Variants in RAD51 observed in about 807,000 individuals in gnomAD.
RAD51 encodes DNA repair protein RAD51 homolog 1.
RAD51 carries 14 observed loss-of-function variants against 41.5 expected under a neutral mutation model. The observed-to-expected ratio is 0.34, with a 90% CI of 0.22 to 0.53. The LOEUF (loss-of-function observed/expected upper bound fraction) is 0.53. RAD51 is among the 20% of genes least tolerant of loss of function. The pLI is 0.95. For missense variants in RAD51, 234 were observed against 422.0 expected (o/e 0.55, Z 3.90); for synonymous variants, 136 against 148.6 (o/e 0.92, Z 0.62).
chr15:40,713,805 A>C (rs1895844612), intron 5 of RAD51, among the ~76,000 whole-genome samples: 1 of 150,172 alleles, frequency 6.7e-6, no homozygotes, highest in Non-Finnish European at 1.5e-5. Context: ...ACAGGTTTTC[A>C]CCGTATTAGC....
At chr15:40,724,755 C>T (rs1489319999) in intron 6 of RAD51, among the ~76,000 whole-genome samples, 2 of 144,334 alleles carry the variant, frequency 1.4e-5, no homozygotes, top group Admixed American at 7.1e-5. Context: ...TCTCGGCTCA[C>T]GCAAGCTCCA....
At chr15:40,700,740 C>T (rs1299743097) in intron 2 of RAD51, among the ~76,000 whole-genome samples, 4 of 152,132 alleles carry the variant, frequency 2.6e-5, no homozygotes, top group South Asian at 2.1e-4. Context: ...TCTGTATCTC[C>T]GGATTCTGTA....
At chr15:40,717,282 G>T (rs767602519) in intron 5 of RAD51, among the ~76,000 whole-genome samples, 2 of 152,096 alleles carry the variant, frequency 1.3e-5, no homozygotes, top group Non-Finnish European at 2.9e-5. Flanking sequence ...AGGTTGTGGT[G>T]AGGCAAGATC....
chr15:40,724,674 CTTTTT>C (rs869156620), intron 6 of RAD51, among the ~76,000 whole-genome samples: 3 of 94,354 alleles, frequency 3.2e-5, no homozygotes, highest in East Asian at 4.3e-4. Flanking sequence ...TTTTTTATTT[CTTTTT>C]TTTTTTTTTT....
chr15:40,715,644 A>T (rs1895951062), intron 5 of RAD51, among the ~76,000 whole-genome samples: 1 of 152,190 alleles, frequency 6.6e-6, no homozygotes, highest in South Asian at 2.1e-4. Context: ...GAAAGGGCCA[A>T]ATAAGCTGGA....
chr15:40,706,263 T>C lies in RAD51; in HGVS notation c.312T>C (p.Thr104=). ...QRRSEIIQIT[T]GSKELDKLLQ... is the part of the protein sequence containing the mutation. Reference sequence around the variant, plus strand: ...GGTCAGAGATCATACAGATTACTACTGGCTCCAAAGAGCTTGACAAACTAC... The same window carrying C: ...GGTCAGAGATCATACAGATTACTACCGGCTCCAAAGAGCTTGACAAACTAC... Residue 104 remains threonine (T), a synonymous_variant, in exon 4 of 10, where the codon ACT becomes ACC. Coordinates refer to ENST00000267868, the MANE Select transcript of RAD51 (RefSeq NM_002875.5). 6.2e-7 allele frequency: 1 copy of C among 1,613,846 alleles called. No individual in the cohort carries two copies. Among genetic ancestry groups the C allele is most frequent in the Non-Finnish European group, 8.5e-7 (1 of 1,179,688 alleles).
chr15:40,723,184 A>G (rs1425483745), intron 6 of RAD51, among the ~76,000 whole-genome samples: 2 of 152,186 alleles, frequency 1.3e-5, no homozygotes, highest in African/African-American at 2.4e-5. Flanking sequence ...TGAAGGCTAT[A>G]ATAAAAAAGA....
At chr15:40,714,127 A>G (rs557926791) in intron 5 of RAD51, among the ~76,000 whole-genome samples, 18 of 151,252 alleles carry the variant, frequency 1.2e-4, no homozygotes, top group African/African-American at 4.4e-4. Context: ...CTGCACCCAG[A>G]TCCTCATAAT....
chr15:40,698,902 A>C, intron 2 of RAD51, 57 bp downstream of exon 2: 1 of 1,514,438 alleles, frequency 6.6e-7, no homozygotes, highest in East Asian at 2.3e-5. Context: ...ACCTAGTGGA[A>C]GGTATTACAA....
intron 2 of RAD51, among the ~76,000 whole-genome samples, chr15:40,699,137 T>TTTTG (rs931458386): frequency 7.2e-5 from 11 of 152,126 alleles, no homozygotes; most frequent in Admixed American, 1.3e-4. Flanking sequence ...TCTGTGCTGT[T>TTTTG]TTTGTTTGTT....
chr15:40,696,454 G>A (rs1749141933), intron 1 of RAD51, among the ~76,000 whole-genome samples: 1 of 152,020 alleles, frequency 6.6e-6, no homozygotes, highest in Non-Finnish European at 1.5e-5. Flanking sequence ...GCACCTGTAG[G>A]CCCAGCTATT....
intron 6 of RAD51, among the ~76,000 whole-genome samples, chr15:40,722,510 G>T (rs144587814): frequency 6.6e-6 from 1 of 151,142 alleles, no homozygotes; most frequent in Non-Finnish European, 1.5e-5. Flanking sequence ...GTGGTTTTCT[G>T]GGGGTAGGGA....
At chr15:40,702,521 GT>G (rs200804254) in intron 3 of RAD51, among the ~76,000 whole-genome samples, 3 of 150,846 alleles carry the variant, frequency 2.0e-5, no homozygotes, top group Non-Finnish European at 3.0e-5. Context: ...TTTGTTTTCT[GT>G]TTTTTTTTGA....
At chr15:40,730,394 C>T (rs1206425472) in intron 9 of RAD51, among the ~76,000 whole-genome samples, 1 of 150,924 alleles carries the variant, frequency 6.6e-6, no homozygotes, top group Non-Finnish European at 1.5e-5. Context: ...GTCTTAGCTA[C>T]CCAGGAGACT....
chr15:40,698,754 C>T lies in RAD51; in HGVS notation c.-2-3C>T. ...TATACTGATAAGCATTTGTATTTTT[C>T]AGTAATGGCAATGCAGATGCAGCTT... On this transcript the variant is annotated splice_polypyrimidine_tract_variant and splice_region_variant and intron_variant, in intron 1 of 9. Transcript: ENST00000267868. The T allele has an allele frequency of 6.2e-7, 1 of 1,613,066 alleles. No individual in the cohort carries two copies. The highest frequency in any genetic ancestry group is 8.5e-7 in the Non-Finnish European group (1 of 1,179,110).
At chr15:40,730,237 C>T (rs1896797780) in intron 9 of RAD51, among the ~76,000 whole-genome samples, 1 of 152,152 alleles carries the variant, frequency 6.6e-6, no homozygotes, top group Non-Finnish European at 1.5e-5. Context: ...GGGCTGGGCA[C>T]AGTGGCTCAC....
intron 1 of RAD51, among the ~76,000 whole-genome samples, chr15:40,698,398 G>C (rs946281171): frequency 2.0e-5 from 3 of 151,942 alleles, no homozygotes; most frequent in African/African-American, 7.3e-5. Context: ...ATGTTGGCCG[G>C]GATGGTCTTG....
intron 7 of RAD51, 38 bp downstream of exon 7, chr15:40,728,862 G>A: frequency 1.3e-6 from 2 of 1,530,018 alleles, no homozygotes; most frequent in Non-Finnish European, 1.8e-6. Flanking sequence ...ATGTTCTTAA[G>A]AGTCCTTCCC....
At chr15:40,713,150 G>C (rs927596246) in intron 5 of RAD51, among the ~76,000 whole-genome samples, 2 of 151,358 alleles carry the variant, frequency 1.3e-5, no homozygotes, top group African/African-American at 4.9e-5. Flanking sequence ...CCAAAGTGCT[G>C]GGATTACAGG....
Sources: allele counts gnomAD v4.1 joint callset (sites outside exome capture counted in the v4.1 genomes callset), GRCh38; gene constraint gnomAD v4.1.1; transcripts MANE v1.5; gene names NCBI Gene and HGNC (gene_info 2026-07-23, HGNC 2026-07-21).